MORC1: variants seen among roughly 807,000 people sequenced by gnomAD.
MORC1 encodes the protein MORC family CW-type zinc finger protein 1.
A neutral mutation model predicts 134.9 loss-of-function variants in MORC1; 59 were observed. The observed-to-expected ratio is 0.44, with a 90% CI of 0.35 to 0.54. MORC1 has a LOEUF of 0.54. Among genes scored for constraint, MORC1 ranks in the 20% least tolerant of loss-of-function variants. The pLI is 0.00. For missense variants in MORC1, 947 were observed against 1,134.5 expected (o/e 0.83, Z 2.37); for synonymous variants, 395 against 391.7 (o/e 1.01, Z -0.10).
chr3:109,117,914 A>G, intron 1 of MORC1, 81 bp downstream of exon 1: 1 of 1,126,994 alleles, frequency 8.9e-7, no homozygotes, highest in Non-Finnish European at 1.3e-6. Flanking sequence ...CTTGCTGAGT[A>G]TTCCTCAGGG....
intron 8 of MORC1, among the ~76,000 whole-genome samples, chr3:109,077,237 T>C (rs1950440795): frequency 6.6e-6 from 1 of 152,152 alleles, no homozygotes; most frequent in Non-Finnish European, 1.5e-5. Context: ...GAAAGAATCA[T>C]TTCGGGATAT....
At chr3:109,072,906 G>GA (rs1308228804) in intron 8 of MORC1, among the ~76,000 whole-genome samples, 1 of 150,310 alleles carries the variant, frequency 6.7e-6, no homozygotes, top group Non-Finnish European at 1.5e-5. Context: ...AGAAACTGAA[G>GA]AAAGGAAGAG....
At chr3:108,972,695 C>T (rs1453775437) in intron 24 of MORC1, among the ~76,000 whole-genome samples, 7 of 152,150 alleles carry the variant, frequency 4.6e-5, no homozygotes, top group African/African-American at 1.2e-4. Flanking sequence ...ACACTACGGC[C>T]GTTTTGTTGG....
rs553006371 is a variant in MORC1 at position 109,113,220 on chromosome 3, G to A, written c.119+1164C>T. Among the ~76,000 whole-genome samples the A allele has an allele frequency of 7.9e-4, 121 of 152,272 alleles. 1 individual carries two copies. Among genetic ancestry groups the A allele is most frequent in the African/African-American group, 2.7e-3 (111 of 41,558 alleles). ...TCCTTTAGGGAAGCTAATCAAAAGTGTTTATCTTTCTTGGCTTCATCCTTA... is the reference window on the plus strand; with the variant it reads ...TCCTTTAGGGAAGCTAATCAAAAGTATTTATCTTTCTTGGCTTCATCCTTA... On this transcript the variant is annotated intron_variant, in intron 2 of 27. Transcript: ENST00000232603.
intron 14 of MORC1, chr3:109,049,294 C>A (rs1179285005): frequency 8.7e-6 from 2 of 228,890 alleles, no homozygotes; most frequent in African/African-American, 4.7e-5. Flanking sequence ...ATTCATGTAA[C>A]AAATATTATT....
chr3:109,016,415 A>G (rs897117032), intron 17 of MORC1, among the ~76,000 whole-genome samples: 5 of 152,126 alleles, frequency 3.3e-5, no homozygotes, highest in Non-Finnish European at 7.3e-5. Flanking sequence ...TATAGGAAGG[A>G]AAAAAAAGTT....
At chr3:109,117,228 G>A (rs1951291787) in intron 1 of MORC1, among the ~76,000 whole-genome samples, 1 of 151,170 alleles carries the variant, frequency 6.6e-6, no homozygotes, top group African/African-American at 2.4e-5. Context: ...AGCAAGGGTG[G>A]CCTTCCCTGG....
At position 109,001,756 on chromosome 3, in the gene MORC1, C is replaced by T. The variant is rs545654061; in HGVS notation, c.2086-1098G>A. Among the ~76,000 whole-genome samples the T allele has an allele frequency of 3.9e-5, 6 of 152,340 alleles. No homozygotes were observed. The South Asian group carries it at 1.2e-3, about 32-fold the overall frequency. On this transcript the variant is annotated intron_variant, in intron 20 of 27. Coordinates refer to ENST00000232603, the MANE Select transcript of MORC1 (RefSeq NM_014429.4). ...TTCTTCTTACCCATTCAACCTCACT[C>T]ATCCTTAGGTATGTAAATACCTCAC...
At chr3:109,045,238 T>G (rs766997279) in intron 14 of MORC1, among the ~76,000 whole-genome samples, 1 of 152,198 alleles carries the variant, frequency 6.6e-6, no homozygotes, top group African/African-American at 2.4e-5. Context: ...AAAGATCTCC[T>G]GAGATCGAAA....
chr3:109,105,402 A>G (rs1439067646), intron 3 of MORC1, among the ~76,000 whole-genome samples: 1 of 152,182 alleles, frequency 6.6e-6, no homozygotes, highest in Non-Finnish European at 1.5e-5. Flanking sequence ...GTGTGCCTGT[A>G]GTCCCAGCTA....
At chr3:109,030,345 C>T (rs905256558) in intron 16 of MORC1, among the ~76,000 whole-genome samples, 2 of 152,084 alleles carry the variant, frequency 1.3e-5, no homozygotes, top group African/African-American at 4.8e-5. Context: ...GTATAGATGG[C>T]CCATCCTACC....
chr3:109,098,154 T>C (rs141304928), intron 6 of MORC1, among the ~76,000 whole-genome samples: 2,539 of 152,180 alleles, frequency 0.017, 69 homozygotes, highest in African/African-American at 0.057. Flanking sequence ...CAAGTGATCC[T>C]CCCTCTTCAG....
chr3:109,110,668 A>C, intron 3 of MORC1, 81 bp downstream of exon 3: 1 of 1,210,392 alleles, frequency 8.3e-7, no homozygotes, highest in Non-Finnish European at 1.2e-6. Context: ...ATGTGGTTTT[A>C]TTTCATGAAA....
At chr3:109,092,937 C>A (rs1950759536) in intron 8 of MORC1, among the ~76,000 whole-genome samples, 1 of 152,154 alleles carries the variant, frequency 6.6e-6, no homozygotes, top group Non-Finnish European at 1.5e-5. Flanking sequence ...CTTTTTCATG[C>A]AGAAAATAAT....
At chr3:109,086,230 G>A (rs998459862) in intron 8 of MORC1, among the ~76,000 whole-genome samples, 1 of 152,006 alleles carries the variant, frequency 6.6e-6, no homozygotes, top group African/African-American at 2.4e-5. Flanking sequence ...ATAGCTAGAA[G>A]AGAATAATTA....
intron 24 of MORC1, among the ~76,000 whole-genome samples, chr3:108,974,389 T>C (rs1290791188): frequency 6.6e-6 from 1 of 152,212 alleles, no homozygotes; most frequent in South Asian, 2.1e-4. Context: ...TTTATTGTCT[T>C]GAGTCCCTTT....
intron 8 of MORC1, among the ~76,000 whole-genome samples, chr3:109,074,963 CT>C (rs1950389859): frequency 6.6e-6 from 1 of 152,146 alleles, no homozygotes; most frequent in Non-Finnish European, 1.5e-5. Context: ...TAACTTGCCA[CT>C]AGAATTAAAG....
intron 8 of MORC1, among the ~76,000 whole-genome samples, chr3:109,083,040 G>T (rs2107737316): frequency 6.6e-6 from 1 of 152,144 alleles, no homozygotes; most frequent in South Asian, 2.1e-4. Flanking sequence ...CAAGAGGAAA[G>T]AAGCAAGTAA....
intron 8 of MORC1, among the ~76,000 whole-genome samples, chr3:109,081,825 T>G (rs1451068878): frequency 6.6e-6 from 1 of 152,138 alleles, no homozygotes; most frequent in African/African-American, 2.4e-5. Flanking sequence ...GAAAATTTCC[T>G]CCTGACTCAC....
Sources: gnomAD v4.1 joint callset for allele counts (sites outside exome capture counted in the v4.1 genomes callset) on GRCh38, gnomAD v4.1.1 for gene constraint, MANE v1.5 for transcripts, NCBI Gene and HGNC (gene_info 2026-07-23, HGNC 2026-07-21) for gene names.